GPC3: variants seen among roughly 807,000 people sequenced by gnomAD.
GPC3 encodes glypican 3.
GPC3 carries 3 observed loss-of-function variants against 34.4 expected under a neutral mutation model. The observed-to-expected ratio is 0.09, with a 90% CI of 0.04 to 0.23. GPC3 has a LOEUF of 0.23. GPC3 is among the 10% of genes least tolerant of loss of function. GPC3 has a pLI of 1.00. For missense variants in GPC3, 351 were observed against 445.6 expected, an observed-to-expected ratio of 0.79 and a Z score of 1.91; for synonymous variants, 177 against 174.0, an observed-to-expected ratio of 1.02 and a Z score of -0.13.
intron 2 of GPC3, among the ~76,000 whole-genome samples, chrX:133,891,715 C>CT (rs1469383765): frequency 9.5e-6 from 1 of 105,618 alleles, no homozygotes; most frequent in African/African-American, 3.5e-5. Context: ...GGAAAGATTG[C>CT]TTAAGTTCAG....
intron 7 of GPC3, among the ~76,000 whole-genome samples, chrX:133,556,200 TG>T (rs1411292626): frequency 8.9e-6 from 1 of 111,999 alleles, no homozygotes; most frequent in Admixed American, 9.5e-5. Context: ...TCTTTTATTT[TG>T]TTAATTTTAA....
intron 7 of GPC3, among the ~76,000 whole-genome samples, chrX:133,546,561 G>A (rs2069388073): frequency 9.0e-6 from 1 of 111,532 alleles, no homozygotes; most frequent in Non-Finnish European, 1.9e-5. Context: ...GTAGGGGAAG[G>A]GTGAGTTACA....
chrX:133,583,598 C>G (rs1316807669), intron 7 of GPC3, among the ~76,000 whole-genome samples: 1 of 111,525 alleles, frequency 9.0e-6, no homozygotes, highest in Non-Finnish European at 1.9e-5. Flanking sequence ...CTCCTGGCCT[C>G]AAGTGATCTG....
intron 3 of GPC3, among the ~76,000 whole-genome samples, chrX:133,710,332 T>C (rs758911501): frequency 8.9e-6 from 1 of 112,019 alleles, no homozygotes; most frequent in South Asian, 3.7e-4. Flanking sequence ...GACAAGTCAT[T>C]TACTTTCCTT....
At chrX:133,620,444 A>G (rs2070220459) in intron 6 of GPC3, among the ~76,000 whole-genome samples, 1 of 110,701 alleles carries the variant, frequency 9.0e-6, no homozygotes, top group Non-Finnish European at 1.9e-5. Context: ...TGCTTTCAGT[A>G]TTCATTTAGC....
chrX:133,859,170 A>G (rs2124565683), intron 2 of GPC3, among the ~76,000 whole-genome samples: 1 of 111,328 alleles, frequency 9.0e-6, no homozygotes, highest in Admixed American at 9.5e-5. Context: ...AGAGATTAAA[A>G]TCACACAGTA....
intron 6 of GPC3, among the ~76,000 whole-genome samples, chrX:133,648,690 CT>C (rs1289299222): frequency 9.0e-6 from 1 of 111,642 alleles, no homozygotes; most frequent in African/African-American, 3.3e-5. Flanking sequence ...TCCATCTCAT[CT>C]TTCACTGTCC....
intron 7 of GPC3, among the ~76,000 whole-genome samples, chrX:133,538,556 GT>G (rs2069314245): frequency 9.1e-6 from 1 of 109,390 alleles, no homozygotes; most frequent in Non-Finnish European, 1.9e-5. Context: ...ACTTTCAACA[GT>G]TTTGTTTACT....
At chrX:133,549,793 G>C (rs1361594375) in intron 7 of GPC3, among the ~76,000 whole-genome samples, 1 of 63,735 alleles carries the variant, frequency 1.6e-5, no homozygotes, top group Non-Finnish European at 2.9e-5. Flanking sequence ...CTCCCTCCCT[G>C]TCCTTCTTTT....
chrX:133,707,562 T>C (rs1471018376), intron 3 of GPC3, among the ~76,000 whole-genome samples: 3 of 110,901 alleles, frequency 2.7e-5, no homozygotes, highest in African/African-American at 6.5e-5. Flanking sequence ...ATTTAGATGA[T>C]TGATAATGAT....
At chrX:133,967,272 T>G (rs1436101335) in intron 1 of GPC3, among the ~76,000 whole-genome samples, 2 of 112,730 alleles carry the variant, frequency 1.8e-5, no homozygotes, top group Non-Finnish European at 3.7e-5. Context: ...CCTTGCTTTC[T>G]TCAGGAGCTA....
intron 2 of GPC3, among the ~76,000 whole-genome samples, chrX:133,803,119 G>A (rs2075618350): frequency 9.1e-6 from 1 of 110,398 alleles, no homozygotes; most frequent in Admixed American, 9.6e-5. Flanking sequence ...TAGAGACGGG[G>A]TTTCACCATG....
intron 7 of GPC3, among the ~76,000 whole-genome samples, chrX:133,563,056 T>C (rs999393990): frequency 2.7e-5 from 3 of 111,350 alleles, no homozygotes; most frequent in South Asian, 3.8e-4. Flanking sequence ...CTAAACTATG[T>C]TGTTGTCCCT....
At chrX:133,897,517 A>T (rs2076123242) in intron 2 of GPC3, among the ~76,000 whole-genome samples, 1 of 109,939 alleles carries the variant, frequency 9.1e-6, no homozygotes, top group African/African-American at 3.3e-5. Flanking sequence ...CCCCTTGTAT[A>T]TAAGGATACC....
At chrX:133,687,540 C>T (rs2071021917) in intron 5 of GPC3, among the ~76,000 whole-genome samples, 2 of 107,428 alleles carry the variant, frequency 1.9e-5, no homozygotes, top group Non-Finnish European at 3.8e-5. Flanking sequence ...CCTACCTCAG[C>T]CTCCCAAGTA....
At chrX:133,818,007 C>A (rs1040947130) in intron 2 of GPC3, among the ~76,000 whole-genome samples, 2 of 111,313 alleles carry the variant, frequency 1.8e-5, no homozygotes, top group African/African-American at 6.5e-5. Context: ...ACTGTAAAAT[C>A]TTTTCTATTG....
At chrX:133,876,338 C>T (rs1162012758) in intron 2 of GPC3, among the ~76,000 whole-genome samples, 1 of 111,977 alleles carries the variant, frequency 8.9e-6, no homozygotes, top group East Asian at 2.8e-4. Flanking sequence ...AATAAGAAGG[C>T]TTCCAGCAAT....
At chrX:133,854,742 C>T (rs2075891897) in intron 2 of GPC3, among the ~76,000 whole-genome samples, 1 of 112,300 alleles carries the variant, frequency 8.9e-6, no homozygotes, top group South Asian at 3.7e-4. Flanking sequence ...AGCAAATTGG[C>T]AGAGACAGAA....
intron 4 of GPC3, among the ~76,000 whole-genome samples, chrX:133,698,574 C>T (rs1252708986): frequency 8.9e-6 from 1 of 112,161 alleles, no homozygotes; most frequent in Admixed American, 9.4e-5. Context: ...ACAGCTTGCT[C>T]ACAACCTCCA....
Sources: gnomAD v4.1 joint callset for allele counts (sites outside exome capture counted in the v4.1 genomes callset) on GRCh38, gnomAD v4.1.1 for gene constraint, MANE v1.5 for transcripts, NCBI Gene and HGNC (gene_info 2026-07-23, HGNC 2026-07-21) for gene names.